Variants in RCBTB1 observed in about 807,000 individuals in gnomAD.
The protein encoded by RCBTB1 is RCC1 and BTB domain-containing protein 1.
In RCBTB1, 46 loss-of-function variants were observed where a neutral mutation model predicts 62.4. The ratio of observed to expected loss-of-function variants is 0.74; its 90% CI spans 0.58 to 0.94. The LOEUF (loss-of-function observed/expected upper bound fraction) is 0.94. Among genes scored for constraint, RCBTB1 ranks in the 40% least tolerant of loss-of-function variants. RCBTB1 has a pLI of 0.00. For synonymous variants in RCBTB1, 222 were observed against 245.8 expected (o/e 0.90, Z 0.91); for missense variants, 565 against 654.9 (o/e 0.86, Z 1.50).
At chr13:49,577,994 G>GA (rs894641518) in intron 2 of RCBTB1, among the ~76,000 whole-genome samples, 2 of 152,018 alleles carry the variant, frequency 1.3e-5, no homozygotes, top group African/African-American at 4.8e-5. Flanking sequence ...GCTGTCTTAC[G>GA]AAAAAAATTT....
chr13:49,561,102 C>T (rs945913905), intron 4 of RCBTB1, among the ~76,000 whole-genome samples: 4 of 152,168 alleles, frequency 2.6e-5, no homozygotes, highest in African/African-American at 2.4e-5. Context: ...ACAGCACCCC[C>T]GAGTGCCAAG....
intron 9 of RCBTB1, chr13:49,546,108 A>G (rs1960764284): frequency 2.0e-6 from 2 of 985,360 alleles, no homozygotes; most frequent in Non-Finnish European, 2.4e-6. Context: ...AGATGGGCCA[A>G]GAGTCCAGGA....
At chr13:49,582,496 T>C (rs747592294) in intron 1 of RCBTB1, among the ~76,000 whole-genome samples, 9 of 151,464 alleles carry the variant, frequency 5.9e-5, no homozygotes, top group Non-Finnish European at 1.2e-4. Flanking sequence ...TCTAAATAAA[T>C]AAATAAATAA....
rs776121415 is a variant in RCBTB1 at position 49,541,794 on chromosome 13, A to G, written c.1206T>C (p.Tyr402=). The G allele has an allele frequency of 3.7e-6, 6 of 1,613,914 alleles. No individual in the cohort carries two copies. The South Asian group carries it at 6.6e-5, about 18-fold the overall frequency. ...TCACTTCCTTCATGTCTTCATTCCA[A>G]TACGACTGGAACATGGATCGAAAAT... ...CEHFRSMFQS[Y]WNEDMKEVIE... is the part of the protein sequence containing the mutation. Residue 402 remains tyrosine (Y), a synonymous_variant, in exon 11 of 13, where the codon TAT becomes TAC. Transcript: ENST00000378302.
intron 2 of RCBTB1, among the ~76,000 whole-genome samples, chr13:49,573,231 A>G (rs1046149516): frequency 1.3e-5 from 2 of 152,168 alleles, no homozygotes; most frequent in African/African-American, 4.8e-5. Context: ...AAAGTATAAT[A>G]TATACAGAAA....
At chr13:49,584,576 T>C (rs983975460) in intron 1 of RCBTB1, among the ~76,000 whole-genome samples, 3 of 152,218 alleles carry the variant, frequency 2.0e-5, no homozygotes, top group African/African-American at 4.8e-5. Context: ...CGGCATTATA[T>C]ACTTTGATGT....
At chr13:49,556,572 T>G (rs1370275366) in intron 5 of RCBTB1, among the ~76,000 whole-genome samples, 1 of 140,296 alleles carries the variant, frequency 7.1e-6, no homozygotes, top group African/African-American at 3.0e-5. Context: ...AATAATTTCC[T>G]CCAACATTAG....
chr13:49,534,383 GC>G, intron 12 of RCBTB1, 121 bp from the exon 13 acceptor site: 1 of 1,013,474 alleles, frequency 9.9e-7, no homozygotes, highest in Non-Finnish European at 1.4e-6. Flanking sequence ...TATTTGAGAG[GC>G]CAGATACCTA....
chr13:49,551,238 T>C, intron 8 of RCBTB1, 88 bp downstream of exon 8: 1 of 1,452,568 alleles, frequency 6.9e-7, no homozygotes, highest in African/African-American at 1.4e-5. Flanking sequence ...AACAGAAGAA[T>C]CACAAAGCCA....
chr13:49,583,973 G>A (rs1261240794), intron 1 of RCBTB1, among the ~76,000 whole-genome samples: 1 of 152,160 alleles, frequency 6.6e-6, no homozygotes, highest in Non-Finnish European at 1.5e-5. Context: ...ACTGTTTAAT[G>A]TAGTACACAC....
chr13:49,541,925 G>A, intron 10 of RCBTB1, 98 bp from the exon 11 acceptor site: 2 of 1,370,858 alleles, frequency 1.5e-6, no homozygotes, highest in Non-Finnish European at 1.9e-6. Context: ...ATAAACAGAA[G>A]TATCCTTGGG....
At chr13:49,584,114 T>C (rs1024440688) in intron 1 of RCBTB1, among the ~76,000 whole-genome samples, 12 of 152,210 alleles carry the variant, frequency 7.9e-5, no homozygotes, top group South Asian at 2.1e-4. Context: ...TGGAGCCAAG[T>C]TCTTGCTGCA....
At chr13:49,542,724 G>A (rs1328963107) in intron 10 of RCBTB1, among the ~76,000 whole-genome samples, 1 of 133,726 alleles carries the variant, frequency 7.5e-6, no homozygotes, top group African/African-American at 2.8e-5. Flanking sequence ...TTTTTGCATT[G>A]CCTGTTCCCC....
At chr13:49,539,429 A>G (rs951293657) in intron 12 of RCBTB1, 1 of 152,218 alleles carries the variant, frequency 6.6e-6, no homozygotes, top group Non-Finnish European at 1.5e-5. Flanking sequence ...CCTAGGACAG[A>G]TCTTAGCTAA....
chr13:49,542,461 G>GA (rs1960461863), intron 10 of RCBTB1, among the ~76,000 whole-genome samples: 1 of 151,338 alleles, frequency 6.6e-6, no homozygotes, highest in Non-Finnish European at 1.5e-5. Context: ...TTGCTCCTTT[G>GA]TTTTTTTTAA....
At position 49,567,227 on chromosome 13, in the gene RCBTB1, A is replaced by C. The variant is rs1223430527; in HGVS notation, c.53T>G (p.Ile18Ser). 1.9e-6 allele frequency: 3 copies of C among 1,613,938 alleles called. No individual in the cohort carries two copies. Among genetic ancestry groups the C allele is most frequent in the South Asian group, 1.1e-5 (1 of 91,094 alleles). ...PIFTLLSPQE[I>S]ASIRKACVFG... The stretch of plus-strand genomic sequence containing the variant: ...GACACACGCCTTCCGAATAGACGCG[A>C]TCTCTTGAGGGGAGAGTAGAGTGAA... The change falls in exon 3 of 13, where the codon ATC becomes AGC. Residue 18 changes from isoleucine (I) to serine (S), a missense_variant. Physicochemically the swap from Ile to Ser is moderately radical, Grantham distance 142. Coordinates refer to ENST00000378302, the MANE Select transcript of RCBTB1 (RefSeq NM_018191.4).
intron 4 of RCBTB1, among the ~76,000 whole-genome samples, chr13:49,563,614 G>A (rs1476438356): frequency 6.6e-6 from 1 of 152,110 alleles, no homozygotes. Context: ...AGCTGAGATC[G>A]TGCCACTGCA....
rs547901882 is a variant in RCBTB1, at chr13:49,572,201, C to T, written c.-41-4881G>A. On this transcript the variant is annotated intron_variant, in intron 2 of 12. Coordinates refer to ENST00000378302, the MANE Select transcript of RCBTB1 (RefSeq NM_018191.4). ...AATTATCCAGGAGTAGTGGCATGCA[C>T]CTGGTGTCCCAGCTACTTGGGAGGC... Among the ~76,000 whole-genome samples, 11 of 152,104 alleles carry T rather than the reference C, an allele frequency of 7.2e-5. No individual in the cohort carries two copies. The South Asian group carries it at 2.1e-3, about 29-fold the overall frequency.
intron 3 of RCBTB1, 28 bp from the exon 4 acceptor site, chr13:49,566,796 G>A (rs1249423420): frequency 6.3e-7 from 1 of 1,582,414 alleles, no homozygotes; most frequent in Non-Finnish European, 8.6e-7. Flanking sequence ...TTTTTTCTGA[G>A]TCTTTTGACC....
Sources: gnomAD v4.1 joint callset for allele counts (sites outside exome capture counted in the v4.1 genomes callset) on GRCh38, gnomAD v4.1.1 for gene constraint, MANE v1.5 for transcripts, NCBI Gene and HGNC (gene_info 2026-07-23, HGNC 2026-07-21) for gene names.